Variants in ZDHHC20 observed in about 807,000 individuals in gnomAD.
The protein encoded by ZDHHC20 is zDHHC palmitoyltransferase 20.
ZDHHC20 carries 43 observed loss-of-function variants against 57.8 expected under a neutral mutation model. The ratio of observed to expected loss-of-function variants is 0.74; its 90% CI spans 0.58 to 0.96. ZDHHC20 has a LOEUF of 0.96. Ranked by LOEUF, ZDHHC20 falls within the 40% of genes least tolerant of loss-of-function variation. The probability of loss-of-function intolerance (pLI) is 0.00; values close to 1 mark genes in which losing one functional copy is unlikely to be tolerated. For missense variants in ZDHHC20, 391 were observed against 441.1 expected (o/e 0.89, Z 1.02); for synonymous variants, 157 against 153.0 (o/e 1.03, Z -0.19).
rs141677174 is a variant in ZDHHC20, at chr13:21,387,669, T to C, written c.728-35A>G. 6,087 of 1,285,518 alleles carry C rather than the reference T, an allele frequency of 4.7e-3. 53 individuals carry two copies. The highest frequency in any genetic ancestry group is 0.026 in the Middle Eastern group (106 of 4,054). The allele number at this position is 1,285,518 out of a possible 1,614,324, so 79.6% of individuals were successfully genotyped here. ...ATACATACATATATAAACTAATTAA[T>C]CTATTTAAAAATTATAGGAGGGATG... On this transcript the variant is annotated intron_variant, in intron 8 of 12. Transcript: ENST00000400590.
chr13:21,413,816 TG>T, intron 3 of ZDHHC20, 44 bp from the exon 4 acceptor site: 4 of 1,534,550 alleles, frequency 2.6e-6, no homozygotes, highest in Non-Finnish European at 3.5e-6. Flanking sequence ...AATCCCATGA[TG>T]TTAATTATCA....
chr13:21,386,435 T>C (rs925126397), intron 9 of ZDHHC20, among the ~76,000 whole-genome samples: 5 of 152,248 alleles, frequency 3.3e-5, no homozygotes, highest in Admixed American at 3.3e-4. Context: ...GAAGTAGTGA[T>C]AGTCTTAAAA....
intron 3 of ZDHHC20, 124 bp from the exon 4 acceptor site, chr13:21,413,896 CA>C (rs199647775): frequency 1.5e-4 from 90 of 614,546 alleles, no homozygotes; most frequent in South Asian, 2.4e-4. Context: ...AACTTGTCTT[CA>C]AAAAAAAGCA....
chr13:21,455,633 GGTGTGTGTGTGT>G (rs3070118), intron 1 of ZDHHC20, among the ~76,000 whole-genome samples: 18,671 of 147,940 alleles, frequency 0.13, 1,332 homozygotes, highest in Non-Finnish European at 0.17. Context: ...CCAGTGAAGT[GGTGTGTGTGTGT>G]GTGTGTGTGT....
intron 7 of ZDHHC20, among the ~76,000 whole-genome samples, chr13:21,399,789 T>C (rs1877353914): frequency 6.6e-6 from 1 of 152,182 alleles, no homozygotes. Context: ...CTTGTTTTTT[T>C]CACGTTAATA....
intron 4 of ZDHHC20, among the ~76,000 whole-genome samples, chr13:21,412,990 A>C (rs1004512695): frequency 8.3e-5 from 12 of 144,240 alleles, no homozygotes; most frequent in African/African-American, 3.1e-4. Flanking sequence ...AAAAAAAAAA[A>C]ACAATTTCCC....
At chr13:21,386,712 T>C (rs913804896) in intron 9 of ZDHHC20, among the ~76,000 whole-genome samples, 4 of 152,036 alleles carry the variant, frequency 2.6e-5, no homozygotes, top group African/African-American at 9.7e-5. Flanking sequence ...CCACACCCAG[T>C]TAATTTTTGT....
chr13:21,436,837 C>T (rs543285518), intron 1 of ZDHHC20, among the ~76,000 whole-genome samples: 14 of 152,290 alleles, frequency 9.2e-5, no homozygotes, highest in African/African-American at 1.9e-4. Flanking sequence ...ACAGGATAAA[C>T]GCTAGGCCTC....
chr13:21,423,660 C>T (rs531972352), intron 2 of ZDHHC20, among the ~76,000 whole-genome samples: 67 of 150,316 alleles, frequency 4.5e-4, no homozygotes, highest in Middle Eastern at 3.5e-3. Flanking sequence ...AGCGACAGAG[C>T]GAGACTCCAT....
intron 4 of ZDHHC20, among the ~76,000 whole-genome samples, chr13:21,412,618 AG>A (rs903199539): frequency 2.0e-5 from 3 of 152,156 alleles, no homozygotes; most frequent in Non-Finnish European, 4.4e-5. Flanking sequence ...ATTCACTAGA[AG>A]GAAGTGAGGC....
rs1203878519 is a variant in ZDHHC20, at chr13:21,412,138, G to A, written c.370+1514C>T. ...CAGGAAGGGTGCTGCATCCCAGGGT[G>A]CAGCTAGATTGCAGACCACTCTGTA... On this transcript the variant is annotated intron_variant, in intron 4 of 12. Coordinates refer to ENST00000400590, the MANE Select transcript of ZDHHC20 (RefSeq NM_001330059.2). 2.0e-5 allele frequency among the ~76,000 whole-genome samples: 3 copies of A among 152,182 alleles called. No individual in the cohort carries two copies. In the East Asian group the frequency reaches 5.8e-4, roughly 29 times the overall value.
chr13:21,387,487 G>C, intron 9 of ZDHHC20, 21 bp downstream of exon 9: 14 of 1,484,260 alleles, frequency 9.4e-6, no homozygotes, highest in Non-Finnish European at 1.3e-5. Flanking sequence ...TAATCTCTGA[G>C]ACCCACATTT....
chr13:21,456,767 A>ATCT, intron 1 of ZDHHC20, among the ~76,000 whole-genome samples: 1 of 152,194 alleles, frequency 6.6e-6, no homozygotes, highest in East Asian at 1.9e-4. Flanking sequence ...TAGTTATAGA[A>ATCT]TGTTTTAACT....
At chr13:21,443,606 T>A (rs1267884331) in intron 1 of ZDHHC20, among the ~76,000 whole-genome samples, 1 of 152,222 alleles carries the variant, frequency 6.6e-6, no homozygotes, top group Non-Finnish European at 1.5e-5. Flanking sequence ...AGGTCTGAAT[T>A]GAGGAACTAA....
chr13:21,390,906 G>GGA (rs1555255709), intron 8 of ZDHHC20, among the ~76,000 whole-genome samples: 237 of 122,326 alleles, frequency 1.9e-3, no homozygotes, highest in South Asian at 8.5e-3. Flanking sequence ...TCAAAAAAAA[G>GGA]AAAAAAAAAA....
chr13:21,436,816 T>G (rs185494450), intron 1 of ZDHHC20, among the ~76,000 whole-genome samples: 187 of 152,214 alleles, frequency 1.2e-3, no homozygotes, highest in African/African-American at 4.4e-3. Flanking sequence ...AAAGACATGT[T>G]AAAAACCAAG....
In ZDHHC20 at chr13:21,373,274, A is replaced by C. The variant is rs1171536333; in HGVS notation, c.*3422T>G. ...TGTAGATCCTAAATCTAAGCCCTTA[A>C]TATACATCTACTTTAAAGATAACTG... On this transcript the variant is annotated 3_prime_UTR_variant, in exon 13 of 13. Transcript: ENST00000400590. 6.6e-6 allele frequency: 1 copy of C among 152,238 alleles called. No homozygotes were observed. Among genetic ancestry groups the C allele is most frequent in the East Asian group, 1.9e-4 (1 of 5,206 alleles). The allele number at this position is 152,238 out of a possible 1,614,324, so 9.4% of individuals were successfully genotyped here. A position where few individuals can be genotyped will look rare whatever the true frequency, so the allele number is the denominator to read the frequency against.
chr13:21,397,159 C>A (rs953735008), intron 7 of ZDHHC20, among the ~76,000 whole-genome samples: 18 of 152,034 alleles, frequency 1.2e-4, no homozygotes, highest in African/African-American at 4.3e-4. Context: ...TTTTGGGAGA[C>A]CGAGGCGGGC....
At chr13:21,383,104 A>G in intron 9 of ZDHHC20, 95 bp from the exon 10 acceptor site, 1 of 1,127,908 alleles carries the variant, frequency 8.9e-7, no homozygotes, top group African/African-American at 1.5e-5. Flanking sequence ...GGCATACATT[A>G]TCATAACTTG....
Sources: allele counts gnomAD v4.1 joint callset (sites outside exome capture counted in the v4.1 genomes callset), GRCh38; gene constraint gnomAD v4.1.1; transcripts MANE v1.5; gene names NCBI Gene and HGNC (gene_info 2026-07-23, HGNC 2026-07-21).